PRR14L: variants seen among roughly 807,000 people sequenced by gnomAD.
PRR14L encodes the protein protein PRR14L.
A neutral mutation model predicts 155.0 loss-of-function variants in PRR14L; 80 were observed. The observed-to-expected ratio is 0.52, with a 90% confidence interval of 0.43 to 0.62. The LOEUF is 0.62. Among genes scored for constraint, PRR14L ranks in the 20% least tolerant of loss-of-function variants. The pLI, the probability that PRR14L is intolerant of heterozygous loss-of-function variation, is 0.00. For synonymous variants in PRR14L, 883 were observed against 916.0 expected, an observed-to-expected ratio of 0.96 and a Z score of 0.65; for missense variants, 2,469 against 2,548.0, an observed-to-expected ratio of 0.97 and a Z score of 0.67.
At chr22:31,729,419 G>A (rs532724918) in intron 2 of PRR14L, among the ~76,000 whole-genome samples, 86 of 152,138 alleles carry the variant, frequency 5.7e-4, no homozygotes, top group Middle Eastern at 3.4e-3. Context: ...GGGTTTCACC[G>A]TATTAGCCAG....
intron 2 of PRR14L, among the ~76,000 whole-genome samples, chr22:31,738,087 GTATATC>G (rs2074792016): frequency 1.3e-5 from 2 of 151,738 alleles, no homozygotes; most frequent in South Asian, 4.2e-4. Flanking sequence ...TAAGGACTGA[GTATATC>G]TATATCATTT....
intron 1 of PRR14L, among the ~76,000 whole-genome samples, chr22:31,744,370 T>C (rs1042500023): frequency 2.0e-5 from 3 of 152,152 alleles, no homozygotes; most frequent in African/African-American, 7.2e-5. Context: ...CAACCTCAGG[T>C]GATCAGTCCG....
Position 31,712,998 on chromosome 22 carries a change from G to A in PRR14L, c.4841C>T (p.Ala1614Val). 3 of 1,552,032 alleles carry A rather than the reference G, an allele frequency of 1.9e-6. No individual in the cohort carries two copies. The highest frequency in any genetic ancestry group is 2.4e-5 in the South Asian group (2 of 84,058). The change falls in exon 4 of 9, where the codon GCC (alanine) becomes GTC (valine). Residue 1614 changes from alanine to valine, a missense_variant. Ala to Val is a moderately conservative substitution (Grantham distance 64). Coordinates refer to ENST00000327423, the MANE Select transcript of PRR14L (RefSeq NM_173566.3). ...LNFRKTTKES[A>V]LLNKLSILAS... ...AAGGATGGACAGCTTGTTTAGTAAG[G>A]CTGATTCTTTGGTAGTCTTCCTAAA...
rs904550522 is a variant in PRR14L, at chr22:31,715,747, C to A, written c.2092G>T (p.Ala698Ser). Reference sequence around the variant, plus strand: ...GTTTGTATATCAGCAATGACATCTGCTCTACCCTCTAATGGAGGGTGATGG... The same window carrying A: ...GTTTGTATATCAGCAATGACATCTGATCTACCCTCTAATGGAGGGTGATGG... ...QSHHPPLEGR[A>S]DVIADIQTIP... Residue 698 changes from alanine to serine, a missense_variant, in exon 4 of 9, where the codon GCA (alanine) becomes TCA (serine). Ala to Ser is a moderately conservative substitution (Grantham distance 99). Coordinates refer to ENST00000327423, the MANE Select transcript of PRR14L (RefSeq NM_173566.3). 2.6e-6 allele frequency: 4 copies of A among 1,551,968 alleles called. No homozygotes were observed. The African/African-American group carries it at 5.5e-5, about 21-fold the overall frequency.
At chr22:31,698,015 A>C (rs942155652) in intron 7 of PRR14L, among the ~76,000 whole-genome samples, 1 of 152,116 alleles carries the variant, frequency 6.6e-6, no homozygotes, top group Non-Finnish European at 1.5e-5. Context: ...TATTTAATTC[A>C]AGTAGTCAGT....
chr22:31,704,426 T>G, intron 5 of PRR14L: 2 of 388,716 alleles, frequency 5.1e-6, no homozygotes, highest in Non-Finnish European at 4.7e-6. Context: ...GGTTAGTGAT[T>G]TTCACTTTTT....
chr22:31,706,344 C>CA (rs2074591251), intron 4 of PRR14L, among the ~76,000 whole-genome samples: 1 of 116,008 alleles, frequency 8.6e-6, no homozygotes, highest in Non-Finnish European at 1.7e-5. Context: ...GCCTGGGCGA[C>CA]AGAGCAAGAC....
At chr22:31,699,589 T>C (rs1346334896) in intron 7 of PRR14L, among the ~76,000 whole-genome samples, 1 of 152,204 alleles carries the variant, frequency 6.6e-6, no homozygotes, top group African/African-American at 2.4e-5. Flanking sequence ...GTCCCAAGAA[T>C]TTGGAGAAGA....
chr22:31,721,180 C>G (rs185738093), intron 3 of PRR14L, among the ~76,000 whole-genome samples: 2 of 151,942 alleles, frequency 1.3e-5, no homozygotes, highest in Non-Finnish European at 2.9e-5. Flanking sequence ...AAGATCTCCC[C>G]TGTGAGATGG....
chr22:31,732,172 T>G (rs1446668223), intron 2 of PRR14L, among the ~76,000 whole-genome samples: 3 of 152,200 alleles, frequency 2.0e-5, no homozygotes, highest in African/African-American at 7.2e-5. Context: ...ATATGCTTAT[T>G]TCCTCTTCTT....
chr22:31,697,325 A>AATTG (rs1220111184), intron 7 of PRR14L, among the ~76,000 whole-genome samples: 1 of 151,398 alleles, frequency 6.6e-6, no homozygotes, highest in Non-Finnish European at 1.5e-5. Flanking sequence ...AAAAAAAAGA[A>AATTG]ATTGGGTATT....
intron 7 of PRR14L, among the ~76,000 whole-genome samples, chr22:31,698,476 C>T (rs893861171): frequency 1.4e-5 from 2 of 146,240 alleles, no homozygotes; most frequent in South Asian, 4.2e-4. Flanking sequence ...ACAACTACAT[C>T]TCAAAACTAC....
chr22:31,698,425 T>C (rs943351029), intron 7 of PRR14L, among the ~76,000 whole-genome samples: 6 of 151,646 alleles, frequency 4.0e-5, no homozygotes, highest in Non-Finnish European at 7.4e-5. Flanking sequence ...ATATTAAATA[T>C]GAAAGCAGGC....
At chr22:31,722,156 G>A (rs891358907) in intron 3 of PRR14L, among the ~76,000 whole-genome samples, 3 of 152,152 alleles carry the variant, frequency 2.0e-5, no homozygotes, top group Admixed American at 2.0e-4. Flanking sequence ...TGGGCCGGGC[G>A]CGGTGGCTCA....
At position 31,713,550 on chromosome 22, in the gene PRR14L, T is replaced by C; in HGVS notation, c.4289A>G (p.Asn1430Ser). The C allele has an allele frequency of 6.4e-7, 1 of 1,552,172 alleles. No individual in the cohort carries two copies. Among genetic ancestry groups the C allele is most frequent in the Non-Finnish European group, 8.7e-7 (1 of 1,147,086 alleles). Residue 1430 changes from asparagine to serine, a missense_variant, in exon 4 of 9, where the codon AAT (asparagine) becomes AGT (serine). Physicochemically the swap from Asn to Ser is conservative, Grantham distance 46 (BLOSUM62 1). Coordinates refer to ENST00000327423, the MANE Select transcript of PRR14L (RefSeq NM_173566.3). ...TTTGTCAGCCTTCGGTTGGTTCTGATTTTGTGCATCATCTAACAACAGACT... is the reference window on the plus strand; with the variant it reads ...TTTGTCAGCCTTCGGTTGGTTCTGACTTTGTGCATCATCTAACAACAGACT... Reference protein sequence around the residue: ...SSSLLLDDAQNQNQPKADKDE... With the variant: ...SSSLLLDDAQSQNQPKADKDE...
Position 31,703,232 on chromosome 22 carries a change from T to C in PRR14L, c.6000+318A>G, listed in dbSNP as rs117161023. 9.2e-3 allele frequency among the ~76,000 whole-genome samples: 1,400 copies of C among 152,334 alleles called. 4 individuals are homozygous for C. The highest frequency in any genetic ancestry group is 0.015 in the Non-Finnish European group (994 of 68,038). ...TGCAACTGTTGAAGACAACAGACGT[T>C]GCAAAATTGAACATCATCACCATCC... On this transcript the variant is annotated intron_variant, in intron 6 of 8. Transcript: ENST00000327423.
chr22:31,729,605 T>G lies in PRR14L; in HGVS notation c.475-3995A>C, dbSNP rs375633601. ...GGTTTAACTTCTCATGATTGAAATA[T>G]TTGTTTCATGATTGGAATATTTAAC... On this transcript the variant is annotated intron_variant, in intron 2 of 8. Transcript: ENST00000327423. Among the ~76,000 whole-genome samples, 3 of 152,224 alleles carry G rather than the reference T, an allele frequency of 2.0e-5. No individual in the cohort carries two copies. The South Asian group carries it at 6.2e-4, about 31-fold the overall frequency.
At position 31,701,671 on chromosome 22, in the gene PRR14L, A is replaced by G. The variant is rs1410085005; in HGVS notation, c.6092T>C (p.Leu2031Pro). The change falls in exon 7 of 9, where the codon CTT (leucine) becomes CCT (proline). Residue 2031 changes from leucine (L) to proline (P), a missense_variant. Around this residue, in one of 2 missense-constraint regions of PRR14L, gnomAD observed 106 missense variants for 176.4 expected, o/e 0.60. Coordinates refer to ENST00000327423, the MANE Select transcript of PRR14L (RefSeq NM_173566.3). Reference sequence around the variant, plus strand: ...AGGAGCTCACCTTTTGGGTCGAGGAAGGCCCATGGGGGTAAGATTAGGATC... The same window carrying G: ...AGGAGCTCACCTTTTGGGTCGAGGAGGGCCCATGGGGGTAAGATTAGGATC... ...RPDPNLTPMG[L>P]PRPKRLKKKE... 2 of 1,608,080 alleles carry G rather than the reference A, an allele frequency of 1.2e-6. No homozygotes were observed. Among genetic ancestry groups the G allele is most frequent in the Non-Finnish European group, 1.7e-6 (2 of 1,177,900 alleles).
At chr22:31,741,753 T>G (rs2074814295) in intron 1 of PRR14L, among the ~76,000 whole-genome samples, 1 of 151,898 alleles carries the variant, frequency 6.6e-6, no homozygotes, top group Admixed American at 6.6e-5. Flanking sequence ...GCACCTGTAG[T>G]CCCAGCTACT....
Sources: gnomAD v4.1 joint callset for allele counts (sites outside exome capture counted in the v4.1 genomes callset) on GRCh38, gnomAD v4.1.1 for gene constraint, gnomAD v4.1.1 regional missense constraint, MANE v1.5 for transcripts, NCBI Gene and HGNC (gene_info 2026-07-23, HGNC 2026-07-21) for gene names.